The following AGBL4 variants were observed in gnomAD, a reference collection of about 807,000 sequenced individuals.
AGBL4 encodes the protein AGBL carboxypeptidase 4.
A neutral mutation model predicts 66.4 loss-of-function variants in AGBL4; 58 were observed. The ratio of observed to expected loss-of-function variants is 0.87; its 90% CI spans 0.71 to 1.09. The LOEUF is 1.09. AGBL4 is among the 50% of genes least tolerant of loss of function. The pLI, the probability that AGBL4 is intolerant of heterozygous loss-of-function variation, is 0.00. For missense variants in AGBL4, 579 were observed against 631.0 expected (o/e 0.92, Z 0.88); for synonymous variants, 234 against 222.9 (o/e 1.05, Z -0.44).
intron 4 of AGBL4, among the ~76,000 whole-genome samples, chr1:49,184,738 A>G (rs1304295022): frequency 2.0e-5 from 3 of 152,210 alleles, no homozygotes; most frequent in African/African-American, 7.2e-5. Flanking sequence ...TGTGCAGTAT[A>G]GAGGATAAGA....
chr1:49,836,491 A>G (rs879785818), intron 2 of AGBL4, among the ~76,000 whole-genome samples: 1 of 152,122 alleles, frequency 6.6e-6, no homozygotes, highest in Non-Finnish European at 1.5e-5. Flanking sequence ...TTTTTGCAAG[A>G]GTCTTAGCTT....
chr1:49,132,216 T>C (rs1645912606), intron 4 of AGBL4, among the ~76,000 whole-genome samples: 1 of 151,984 alleles, frequency 6.6e-6, no homozygotes, highest in Non-Finnish European at 1.5e-5. Flanking sequence ...AATCAGGAAT[T>C]AGACTATCTC....
rs1352285546 is a variant in AGBL4, at chr1:48,653,888, G to T, written c.725-437C>A. 3.3e-5 allele frequency among the ~76,000 whole-genome samples: 5 copies of T among 152,154 alleles called. No homozygotes were observed. In the East Asian group the frequency reaches 9.6e-4, roughly 29 times the overall value. ...CAGATGTGATAATCACAGGGTCAAG[G>T]CCTTAGGGATTTAAATGCTCATGTT... On this transcript the variant is annotated intron_variant, in intron 7 of 13. Coordinates refer to ENST00000371839, the MANE Select transcript of AGBL4 (RefSeq NM_032785.4).
intron 4 of AGBL4, among the ~76,000 whole-genome samples, chr1:49,231,344 A>T (rs181697549): frequency 2.6e-5 from 4 of 152,288 alleles, no homozygotes; most frequent in African/African-American, 7.2e-5. Context: ...TCTCTATAAT[A>T]ATTAAGCGCA....
chr1:48,830,663 T>G (rs1646529969), intron 6 of AGBL4, among the ~76,000 whole-genome samples: 1 of 152,188 alleles, frequency 6.6e-6, no homozygotes, highest in Admixed American at 6.5e-5. Context: ...ACATTCAATT[T>G]CAGTCACTTG....
intron 5 of AGBL4, among the ~76,000 whole-genome samples, chr1:48,995,443 TA>T (rs1338194591): frequency 6.6e-6 from 1 of 152,242 alleles, no homozygotes; most frequent in Non-Finnish European, 1.5e-5. Flanking sequence ...GTGCTGGGAA[TA>T]TAGCAATAAA....
intron 3 of AGBL4, among the ~76,000 whole-genome samples, chr1:49,564,179 G>A (rs973334297): frequency 5.3e-5 from 8 of 151,914 alleles, no homozygotes; most frequent in South Asian, 4.2e-4. Context: ...TTTTTATTGC[G>A]TCTATTTGAT....
At chr1:49,220,335 T>C (rs1314406298) in intron 4 of AGBL4, among the ~76,000 whole-genome samples, 2 of 152,168 alleles carry the variant, frequency 1.3e-5, no homozygotes, top group African/African-American at 4.8e-5. Flanking sequence ...GGAATGAACA[T>C]GATCCTTGTC....
At chr1:48,602,154 G>A (rs1461406022) in intron 9 of AGBL4, among the ~76,000 whole-genome samples, 1 of 152,114 alleles carries the variant, frequency 6.6e-6, no homozygotes. Flanking sequence ...CTGGCTCATA[G>A]AGGTAATGAT....
chr1:49,127,589 C>T (rs1191682725), intron 4 of AGBL4, among the ~76,000 whole-genome samples: 2 of 151,988 alleles, frequency 1.3e-5, no homozygotes, highest in Non-Finnish European at 2.9e-5. Context: ...AAAGTGCATA[C>T]AAGGGTAAAA....
Position 48,634,493 on chromosome 1 carries a change from T to C in AGBL4, c.951A>G (p.Pro317=), listed in dbSNP as rs1168317529. 3.1e-6 allele frequency: 5 copies of C among 1,592,078 alleles called. No individual in the cohort carries two copies. The highest frequency in any genetic ancestry group is 2.3e-5 in the South Asian group (2 of 87,106). The part of the protein sequence containing the change: ...KQLIVQMYND[P]KTSLEFYIDI... ...CTGTGGAGGGCATTCAGTTACTTAC[T>C]GGGTCGTTGTACATCTGGACGATGA... Residue 317 remains proline (P), a splice_region_variant and synonymous_variant, in exon 9 of 14, where the codon CCA becomes CCG. Coordinates refer to ENST00000371839, the MANE Select transcript of AGBL4 (RefSeq NM_032785.4).
intron 5 of AGBL4, among the ~76,000 whole-genome samples, chr1:48,965,491 A>G (rs1177897507): frequency 1.3e-5 from 2 of 152,182 alleles, no homozygotes; most frequent in South Asian, 4.1e-4. Context: ...CCCAGGAAGG[A>G]GCAGAGGAAT....
intron 3 of AGBL4, among the ~76,000 whole-genome samples, chr1:49,520,315 T>A (rs550471887): frequency 1.3e-5 from 2 of 151,966 alleles, no homozygotes; most frequent in Non-Finnish European, 2.9e-5. Flanking sequence ...ATCTCAAAAA[T>A]AAAACAAAAC....
intron 3 of AGBL4, among the ~76,000 whole-genome samples, chr1:49,337,159 T>C (rs1645453446): frequency 6.6e-6 from 1 of 152,144 alleles, no homozygotes; most frequent in Non-Finnish European, 1.5e-5. Context: ...TGAGATGGCA[T>C]GTAAAGCACC....
chr1:49,517,743 G>T (rs918771711), intron 3 of AGBL4, among the ~76,000 whole-genome samples: 23 of 151,818 alleles, frequency 1.5e-4, no homozygotes, highest in Non-Finnish European at 3.4e-4. Flanking sequence ...AAAATATAGA[G>T]ACTCAAATTT....
intron 5 of AGBL4, among the ~76,000 whole-genome samples, chr1:49,029,808 T>C (rs1309365534): frequency 6.6e-6 from 1 of 152,196 alleles, no homozygotes; most frequent in Non-Finnish European, 1.5e-5. Context: ...AAGACAGTAT[T>C]GTACTGGCAC....
intron 3 of AGBL4, among the ~76,000 whole-genome samples, chr1:49,440,884 G>A (rs1646013182): frequency 6.6e-6 from 1 of 152,128 alleles, no homozygotes; most frequent in Non-Finnish European, 1.5e-5. Context: ...CACTGAGTTT[G>A]TAAACTCTGA....
intron 6 of AGBL4, among the ~76,000 whole-genome samples, chr1:48,801,054 A>C (rs1444629371): frequency 6.6e-6 from 1 of 152,110 alleles, no homozygotes; most frequent in Non-Finnish European, 1.5e-5. Context: ...AAGGGGGATT[A>C]TGGCTGCCTC....
chr1:49,659,925 AC>A (rs1646233873), intron 3 of AGBL4, among the ~76,000 whole-genome samples: 1 of 151,946 alleles, frequency 6.6e-6, no homozygotes, highest in South Asian at 2.1e-4. Context: ...CAGTACCTTT[AC>A]TTACACCTTA....
Sources: allele counts gnomAD v4.1 joint callset (sites outside exome capture counted in the v4.1 genomes callset), GRCh38; gene constraint gnomAD v4.1.1; transcripts MANE v1.5; gene names NCBI Gene and HGNC (gene_info 2026-07-23, HGNC 2026-07-21).